RBM20: variants seen among roughly 807,000 people sequenced by gnomAD.
RBM20 encodes the protein RNA binding motif protein 20, also known as RNA-binding protein 20.
In RBM20, 51 loss-of-function variants were observed where a neutral mutation model predicts 110.1. The observed-to-expected ratio is 0.46, with a 90% CI of 0.37 to 0.59. RBM20 has a LOEUF of 0.59. Among genes scored for constraint, RBM20 ranks in the 20% least tolerant of loss-of-function variants. RBM20 has a pLI of 0.00. For synonymous variants in RBM20, 589 were observed against 618.2 expected (o/e 0.95, Z 0.70); for missense variants, 1,512 against 1,574.9 (o/e 0.96, Z 0.68).
chr10:110,680,108 G>C (rs1423265126), intron 1 of RBM20, among the ~76,000 whole-genome samples: 1 of 152,152 alleles, frequency 6.6e-6, no homozygotes, highest in African/African-American at 2.4e-5. Flanking sequence ...GGTGGCATTA[G>C]AGCCGGGAGC....
intron 1 of RBM20, among the ~76,000 whole-genome samples, chr10:110,685,378 T>C (rs1482941123): frequency 1.3e-5 from 2 of 152,218 alleles, no homozygotes; most frequent in Non-Finnish European, 2.9e-5. Context: ...AGCTGTCTTC[T>C]GTCAGGTCAG....
chr10:110,741,754 A>T (rs1389424307), intron 1 of RBM20, among the ~76,000 whole-genome samples: 1 of 137,746 alleles, frequency 7.3e-6, no homozygotes, highest in Non-Finnish European at 1.5e-5. Flanking sequence ...CTACTCTTTC[A>T]CCAAGCCTGA....
intron 1 of RBM20, among the ~76,000 whole-genome samples, chr10:110,686,317 GC>G (rs1275810353): frequency 1.3e-5 from 2 of 151,392 alleles, no homozygotes; most frequent in Non-Finnish European, 2.9e-5. Flanking sequence ...CTTCCGCTTG[GC>G]CCCCCTATAG....
intron 5 of RBM20, among the ~76,000 whole-genome samples, chr10:110,786,432 C>T (rs922067818): frequency 6.6e-6 from 1 of 152,200 alleles, no homozygotes; most frequent in Non-Finnish European, 1.5e-5. Context: ...AGCGGAAAAG[C>T]GAGGTGGTTC....
rs1441988760 is a variant in RBM20 at position 110,835,810 on chromosome 10, C to T, written c.3574-58C>T. The T allele has an allele frequency of 4.0e-6, 6 of 1,514,074 alleles. No homozygotes were observed. The African/African-American group carries it at 4.1e-5, about 10-fold the overall frequency. The allele number at this position is 1,514,074 out of a possible 1,614,324, so 93.8% of individuals were successfully genotyped here. ...ATTGAGGCATGTCCGCTCCTCTCCT[C>T]TCCATCTAGGTCCCTACTAACATGC... is the stretch of plus-strand genomic sequence containing the variant. On this transcript the variant is annotated intron_variant, in intron 13 of 13. Coordinates refer to ENST00000369519, the MANE Select transcript of RBM20 (RefSeq NM_001134363.3).
chr10:110,742,904 A>C (rs869432), intron 1 of RBM20, among the ~76,000 whole-genome samples: 57,886 of 151,982 alleles, frequency 0.38, 11,689 homozygotes, highest in East Asian at 0.59. Context: ...CTCACCTCCA[A>C]CTCTCACTGT....
chr10:110,693,752 T>C (rs2134880617), intron 1 of RBM20, among the ~76,000 whole-genome samples: 1 of 152,344 alleles, frequency 6.6e-6, no homozygotes, highest in Non-Finnish European at 1.5e-5. Flanking sequence ...TTTGACTCAT[T>C]AAAAGTGGGA....
intron 1 of RBM20, among the ~76,000 whole-genome samples, chr10:110,750,023 G>C (rs1405260427): frequency 6.6e-6 from 1 of 152,198 alleles, no homozygotes; most frequent in African/African-American, 2.4e-5. Flanking sequence ...TGATTTATAG[G>C]TGTATAATAT....
intron 1 of RBM20, among the ~76,000 whole-genome samples, chr10:110,681,456 T>C (rs1862422016): frequency 6.6e-6 from 1 of 152,238 alleles, no homozygotes; most frequent in Non-Finnish European, 1.5e-5. Context: ...GGTTGAGGCA[T>C]GCTCTCTGCT....
At chr10:110,656,804 C>T (rs1862032019) in intron 1 of RBM20, among the ~76,000 whole-genome samples, 1 of 152,216 alleles carries the variant, frequency 6.6e-6, no homozygotes, top group Admixed American at 6.5e-5. Context: ...GTCAGCACTT[C>T]ATGCCTTTTC....
chr10:110,792,287 A>G (rs547403560), intron 5 of RBM20, among the ~76,000 whole-genome samples: 3 of 152,222 alleles, frequency 2.0e-5, no homozygotes, highest in South Asian at 4.2e-4. Context: ...TTCAGCATGA[A>G]TTTCCTAAGA....
intron 1 of RBM20, among the ~76,000 whole-genome samples, chr10:110,769,103 G>T (rs1182935411): frequency 1.3e-5 from 2 of 152,124 alleles, no homozygotes; most frequent in Non-Finnish European, 2.9e-5. Flanking sequence ...TGTTCTCCTG[G>T]GGAGCTATTA....
Position 110,812,927 on chromosome 10 carries a change from A to T in RBM20, c.2530A>T (p.Asn844Tyr). The T allele has an allele frequency of 6.9e-7, 1 of 1,452,978 alleles. No individual in the cohort carries two copies. Among genetic ancestry groups the T allele is most frequent in the Non-Finnish European group, 9.1e-7 (1 of 1,101,230 alleles). 90.0% of individuals were successfully genotyped at this position (1,452,978 alleles called of 1,614,324 possible). The change falls in exon 9 of 14, where the codon AAC becomes TAC. Residue 844 changes from asparagine to tyrosine, a missense_variant. Physicochemically the swap from Asn to Tyr is moderately radical, Grantham distance 143. Around this residue, in one of 3 missense-constraint regions of RBM20, gnomAD observed 1,149 missense variants for 1,169.4 expected, o/e 0.98. Coordinates refer to ENST00000369519, the MANE Select transcript of RBM20 (RefSeq NM_001134363.3). ...AGAAGGAGCTGATGATAGAAAAGAAAACACAATGGCAGAGAATGAGGTAAT... is the reference window on the plus strand; with the variant it reads ...AGAAGGAGCTGATGATAGAAAAGAATACACAATGGCAGAGAATGAGGTAAT... ...DQEGADDRKENTMAENEAGKE... is the reference protein window; with the variant it reads ...DQEGADDRKEYTMAENEAGKE...
At chr10:110,781,968 G>A (rs1844359418) in intron 2 of RBM20, 84 bp downstream of exon 2, 2 of 1,501,824 alleles carry the variant, frequency 1.3e-6, no homozygotes, top group East Asian at 2.5e-5. Flanking sequence ...CTGCCAATGG[G>A]CAAGGAACTG....
At chr10:110,700,383 G>A (rs1275305776) in intron 1 of RBM20, among the ~76,000 whole-genome samples, 2 of 152,180 alleles carry the variant, frequency 1.3e-5, no homozygotes, top group Non-Finnish European at 2.9e-5. Flanking sequence ...AGGGAGTGTG[G>A]AATTGGCAAC....
chr10:110,676,442 A>C (rs1862341053), intron 1 of RBM20, among the ~76,000 whole-genome samples: 1 of 152,234 alleles, frequency 6.6e-6, no homozygotes, highest in African/African-American at 2.4e-5. Context: ...CATAAAAGGA[A>C]AAAAACAGTG....
At chr10:110,666,179 G>T (rs918797399) in intron 1 of RBM20, among the ~76,000 whole-genome samples, 1 of 152,188 alleles carries the variant, frequency 6.6e-6, no homozygotes, top group African/African-American at 2.4e-5. Context: ...GAAGCTGGGT[G>T]GTGAGTACAT....
Position 110,836,241 on chromosome 10 carries a change from C to T in RBM20, c.*263C>T, listed in dbSNP as rs182152382. ...TCTTGTTTCTCTCAATCTTTCAATTCGTTTTTCTCTCTTTTCCTCTTGTTC... is the reference window on the plus strand; with the variant it reads ...TCTTGTTTCTCTCAATCTTTCAATTTGTTTTTCTCTCTTTTCCTCTTGTTC... On this transcript the variant is annotated 3_prime_UTR_variant, in exon 14 of 14. Coordinates refer to ENST00000369519, the MANE Select transcript of RBM20 (RefSeq NM_001134363.3). The T allele has an allele frequency of 1.3e-4, 36 of 285,924 alleles. No individual in the cohort carries two copies. The highest frequency in any genetic ancestry group is 1.2e-3 in the East Asian group (21 of 16,854). 17.7% of individuals were successfully genotyped at this position (285,924 alleles called of 1,614,324 possible). A position where few individuals can be genotyped will look rare whatever the true frequency, so the allele number is the denominator to read the frequency against.
chr10:110,771,763 G>T (rs1459016827), intron 1 of RBM20, among the ~76,000 whole-genome samples: 1 of 152,192 alleles, frequency 6.6e-6, no homozygotes, highest in East Asian at 1.9e-4. Flanking sequence ...GTAGGGAGGA[G>T]GTTGTGTAGG....
Sources: gnomAD v4.1 joint callset for allele counts (sites outside exome capture counted in the v4.1 genomes callset) on GRCh38, gnomAD v4.1.1 for gene constraint, gnomAD v4.1.1 regional missense constraint, MANE v1.5 for transcripts, NCBI Gene and HGNC (gene_info 2026-07-23, HGNC 2026-07-21) for gene names.